Variants in DLGAP3 observed in about 807,000 individuals in gnomAD.
DLGAP3 encodes DLG associated protein 3.
DLGAP3 carries 17 observed loss-of-function variants against 81.2 expected under a neutral mutation model. The observed-to-expected ratio is 0.21, with a 90% CI of 0.14 to 0.31. The LOEUF is 0.31. Among genes scored for constraint, DLGAP3 ranks in the 10% least tolerant of loss-of-function variants. The pLI is 1.00. For synonymous variants in DLGAP3, 577 were observed against 587.4 expected, an observed-to-expected ratio of 0.98 and a Z score of 0.26; for missense variants, 1,124 against 1,388.0, an observed-to-expected ratio of 0.81 and a Z score of 3.02.
At chr1:34,915,138 T>C (rs1000528255) in intron 1 of DLGAP3, among the ~76,000 whole-genome samples, 1 of 152,196 alleles carries the variant, frequency 6.6e-6, no homozygotes, top group African/African-American at 2.4e-5. Flanking sequence ...AACCTACCTT[T>C]ATGCCCATGA....
At chr1:34,878,890 G>C (rs1483423008) in intron 8 of DLGAP3, among the ~76,000 whole-genome samples, 1 of 151,960 alleles carries the variant, frequency 6.6e-6, no homozygotes, top group Non-Finnish European at 1.5e-5. Flanking sequence ...CTAACATGGT[G>C]AAATCCCGTC....
At chr1:34,908,791 G>T (rs960028750) in intron 1 of DLGAP3, among the ~76,000 whole-genome samples, 1 of 152,204 alleles carries the variant, frequency 6.6e-6, no homozygotes, top group South Asian at 2.1e-4. Context: ...AGCCTGGACT[G>T]TAGAAGCTGT....
At chr1:34,906,033 T>TATATATATATATATATATATATATAG (rs61679607) in intron 2 of DLGAP3, among the ~76,000 whole-genome samples, 1 of 123,448 alleles carries the variant, frequency 8.1e-6, no homozygotes, top group Non-Finnish European at 1.8e-5. Flanking sequence ...TATATATATA[T>TATATATATATATATATATATATATAG]TTGTTTGTTT....
intron 11 of DLGAP3, among the ~76,000 whole-genome samples, chr1:34,866,790 C>CT (rs1031106454): frequency 6.6e-6 from 1 of 152,108 alleles, no homozygotes; most frequent in Non-Finnish European, 1.5e-5. Flanking sequence ...CGCCACCCCC[C>CT]CAACCCCGCT....
At chr1:34,878,425 A>G (rs1639091865) in intron 8 of DLGAP3, among the ~76,000 whole-genome samples, 1 of 152,224 alleles carries the variant, frequency 6.6e-6, no homozygotes, top group Non-Finnish European at 1.5e-5. Context: ...GCAAGCAGCC[A>G]TAGCAATAAA....
At chr1:34,922,697 A>T (rs1430523148) in intron 1 of DLGAP3, among the ~76,000 whole-genome samples, 1 of 152,228 alleles carries the variant, frequency 6.6e-6, no homozygotes, top group African/African-American at 2.4e-5. Flanking sequence ...ACTTATGTAC[A>T]TATACACAGT....
intron 8 of DLGAP3, among the ~76,000 whole-genome samples, chr1:34,883,419 CT>C (rs970491175): frequency 6.6e-6 from 1 of 152,202 alleles, no homozygotes; most frequent in Admixed American, 6.5e-5. Context: ...CCCCACCCCC[CT>C]GGACCTATCT....
At chr1:34,911,022 A>ACCCCC (rs58074971) in intron 1 of DLGAP3, among the ~76,000 whole-genome samples, 36 of 131,978 alleles carry the variant, frequency 2.7e-4, no homozygotes, top group South Asian at 5.0e-4. Flanking sequence ...GATATTATCC[A>ACCCCC]CCCCCCCCCC....
At chr1:34,869,157 C>CA (rs766701735) in intron 8 of DLGAP3, 68 bp from the exon 9 acceptor site, 223 of 1,163,426 alleles carry the variant, frequency 1.9e-4, no homozygotes, top group Non-Finnish European at 2.4e-4. Flanking sequence ...CCACCCCAAG[C>CA]AAAAAAAAGG....
chr1:34,888,846 C>G (rs947195316), intron 5 of DLGAP3, among the ~76,000 whole-genome samples: 5 of 152,174 alleles, frequency 3.3e-5, no homozygotes, highest in Admixed American at 1.3e-4. Flanking sequence ...AACACAGGAA[C>G]TGAACTAACT....
intron 1 of DLGAP3, among the ~76,000 whole-genome samples, chr1:34,917,978 C>T (rs192580620): frequency 3.3e-5 from 5 of 152,290 alleles, no homozygotes; most frequent in Admixed American, 1.3e-4. Flanking sequence ...TCCCTAATCA[C>T]CCCCCAAGCC....
rs778851121 is a variant in DLGAP3, at chr1:34,904,465, C to T, written c.919G>A (p.Gly307Arg). ...CAGGCAAGGCAGCGGCCTTCCGACC[C>T]GCCCGAGCGCCCCTTGAAGCTCAAG... ...RDLSFKGRSG[G>R]SEGRCLACTG... is the part of the protein sequence containing the mutation. Residue 307 changes from glycine to arginine, a missense_variant, in exon 3 of 12, where the codon GGG becomes AGG. Gly to Arg is a moderately radical substitution (Grantham distance 125, BLOSUM62 -2). Around this residue, in one of 9 missense-constraint regions of DLGAP3, gnomAD observed 357 missense variants for 408.8 expected, o/e 0.87. Transcript: ENST00000373347. The surrounding 1 kb of genome is among the most constrained non-coding windows in gnomAD (Gnocchi z 8.1). 7.4e-6 allele frequency: 12 copies of T among 1,614,040 alleles called. 1 individual carries two copies. The highest frequency in any genetic ancestry group is 6.7e-5 in the Admixed American group (4 of 60,012).
Position 34,886,202 on chromosome 1 carries a change from C to G in DLGAP3, c.1470G>C (p.Leu490=). Residue 490 remains leucine, a synonymous_variant, in exon 6 of 12, where the codon CTG becomes CTC. Coordinates refer to ENST00000373347, the MANE Select transcript of DLGAP3 (RefSeq NM_001080418.3). ...GCATGCGGAAACAGCCGGGCAGGTCCAGGGCGTCCACGGCCTGGGACTCCA... is the reference window on the plus strand; with the variant it reads ...GCATGCGGAAACAGCCGGGCAGGTCGAGGGCGTCCACGGCCTGGGACTCCA... ...GELESQAVDA[L]DLPGCFRMRS... is the part of the protein sequence containing the mutation. 1 of 1,611,430 alleles carries G rather than the reference C, an allele frequency of 6.2e-7. No individual in the cohort carries two copies. The highest frequency in any genetic ancestry group is 8.5e-7 in the Non-Finnish European group (1 of 1,179,360).
chr1:34,876,422 G>A (rs1639058096), intron 8 of DLGAP3, among the ~76,000 whole-genome samples: 1 of 152,248 alleles, frequency 6.6e-6, no homozygotes, highest in Non-Finnish European at 1.5e-5. Context: ...CGAGACAGCA[G>A]TAAGGACAAG....
rs10593156 is a variant in DLGAP3 at position 34,896,585 on chromosome 1, T to TCACACACACACACACACA, written c.1386+3066_1386+3083dup. ...GCCTGGGCAACAGAGCCAGACTCCATCACACACACACACACACACACACAC... is the reference window on the plus strand; with the variant it reads ...GCCTGGGCAACAGAGCCAGACTCCATCACACACACACACACACACACACACACACACACACACACACAC... On this transcript the variant is annotated intron_variant, in intron 5 of 11. Coordinates refer to ENST00000373347, the MANE Select transcript of DLGAP3 (RefSeq NM_001080418.3). 3.2e-3 allele frequency among the ~76,000 whole-genome samples: 470 copies of TCACACACACACACACACA among 146,888 alleles called. 2 individuals carry two copies. Among genetic ancestry groups the TCACACACACACACACACA allele is most frequent in the Non-Finnish European group, 4.7e-3 (311 of 66,666 alleles).
Position 34,899,656 on chromosome 1 carries a change from G to A in DLGAP3, c.1386+13C>T, listed in dbSNP as rs754871568. ...TTCACTCTTTCCTCCAGGCATACTGGGCCTCTCCCTACCTGTCCAGTGGTG... is the reference window on the plus strand; with the variant it reads ...TTCACTCTTTCCTCCAGGCATACTGAGCCTCTCCCTACCTGTCCAGTGGTG... On this transcript the variant is annotated intron_variant, in intron 5 of 11. Coordinates refer to ENST00000373347, the MANE Select transcript of DLGAP3 (RefSeq NM_001080418.3). The A allele has an allele frequency of 1.9e-6, 3 of 1,608,678 alleles. No individual in the cohort carries two copies. Among genetic ancestry groups the A allele is most frequent in the Non-Finnish European group, 2.6e-6 (3 of 1,175,198 alleles).
chr1:34,885,761 A>G lies in DLGAP3; in HGVS notation c.1631T>C (p.Ile544Thr). 1 of 1,407,280 alleles carries G rather than the reference A, an allele frequency of 7.1e-7. No individual in the cohort carries two copies. The highest frequency in any genetic ancestry group is 9.2e-7 in the Non-Finnish European group (1 of 1,088,740). 87.2% of individuals were successfully genotyped at this position (1,407,280 alleles called of 1,614,324 possible). A position where few individuals can be genotyped will look rare whatever the true frequency, so the allele number is the denominator to read the frequency against. ...SFNFRKAPPP[I>T]PPGSQAPPRI... is the part of the protein sequence containing the mutation. The stretch of plus-strand genomic sequence containing the variant: ...GGGCGGGGCCTGGCTTCCCGGCGGG[A>G]TGGGGGGCGGGGCCTTTCTGAAGTT... The change falls in exon 7 of 12, where the codon ATC becomes ACC. Residue 544 changes from isoleucine (I) to threonine (T), a missense_variant. Coordinates refer to ENST00000373347, the MANE Select transcript of DLGAP3 (RefSeq NM_001080418.3).
chr1:34,895,236 C>T lies in DLGAP3; in HGVS notation c.1386+4433G>A, dbSNP rs1003459697. Among the ~76,000 whole-genome samples, 10 of 151,858 alleles carry T rather than the reference C, an allele frequency of 6.6e-5. No homozygotes were observed. The highest frequency in any genetic ancestry group is 1.4e-4 in the African/African-American group (6 of 41,442). ...CAAAAAAATTAGCCAGGCGTGGTGG[C>T]GGGCGCCTGTAGTCTCAGCTACTCC... is the stretch of plus-strand genomic sequence containing the variant. On this transcript the variant is annotated intron_variant, in intron 5 of 11. Transcript: ENST00000373347. The surrounding 1 kb of genome is among the most constrained non-coding windows in gnomAD (Gnocchi z 4.5).
At chr1:34,875,068 C>T (rs572460807) in intron 8 of DLGAP3, among the ~76,000 whole-genome samples, 2 of 152,210 alleles carry the variant, frequency 1.3e-5, no homozygotes, top group African/African-American at 4.8e-5. Context: ...AATTTGCAGG[C>T]TCAGGAATGG....
Sources: allele counts gnomAD v4.1 joint callset (sites outside exome capture counted in the v4.1 genomes callset), GRCh38; gene constraint gnomAD v4.1.1; regional missense constraint gnomAD v4.1.1; non-coding constraint Gnocchi (gnomAD v3.1); transcripts MANE v1.5; gene names NCBI Gene and HGNC (gene_info 2026-07-23, HGNC 2026-07-21).